Variants in GABRB3 observed in about 807,000 individuals in gnomAD.
GABRB3 encodes gamma-aminobutyric acid type A receptor subunit beta3.
GABRB3 carries 14 observed loss-of-function variants against 52.1 expected under a neutral mutation model. The ratio of observed to expected loss-of-function variants is 0.27; its 90% confidence interval spans 0.18 to 0.42. The LOEUF is 0.42. GABRB3 is among the 10% of genes least tolerant of loss of function. The pLI is 1.00. For synonymous variants in GABRB3, 260 were observed against 232.3 expected (o/e 1.12, Z -1.08); for missense variants, 307 against 609.1 (o/e 0.50, Z 5.22).
intron 3 of GABRB3, among the ~76,000 whole-genome samples, chr15:26,654,075 G>C (rs1887285806): frequency 6.6e-6 from 1 of 152,184 alleles, no homozygotes; most frequent in Non-Finnish European, 1.5e-5. Context: ...GCAATCTACA[G>C]AAGATGCACT....
chr15:26,629,138 G>C, intron 3 of GABRB3: 1 of 1,520,230 alleles, frequency 6.6e-7, no homozygotes, highest in Non-Finnish European at 8.8e-7. Context: ...CTGAAGCTCG[G>C]GGAGGCGCAG....
intron 3 of GABRB3, among the ~76,000 whole-genome samples, chr15:26,745,893 A>C (rs747283052): frequency 4.6e-5 from 7 of 152,342 alleles, no homozygotes; most frequent in Non-Finnish European, 8.8e-5. Context: ...TATTAAAAAT[A>C]AAGATGCTGT....
At chr15:26,633,393 C>T (rs970515126) in intron 3 of GABRB3, among the ~76,000 whole-genome samples, 20 of 152,188 alleles carry the variant, frequency 1.3e-4, no homozygotes, top group Non-Finnish European at 2.5e-4. Flanking sequence ...TCTCTCTTCC[C>T]TGTACCTTTA....
chr15:26,694,212 TG>T (rs1433653579), intron 3 of GABRB3, among the ~76,000 whole-genome samples: 1 of 152,154 alleles, frequency 6.6e-6, no homozygotes, highest in Non-Finnish European at 1.5e-5. Context: ...CTAACCAATA[TG>T]GGGGAAGGAA....
chr15:26,604,683 T>C (rs542773808), intron 4 of GABRB3, among the ~76,000 whole-genome samples: 5 of 152,108 alleles, frequency 3.3e-5, no homozygotes, highest in Non-Finnish European at 5.9e-5. Flanking sequence ...GTCTCTTCAA[T>C]GTATGGTCCT....
At chr15:26,564,841 C>T (rs966080689) in intron 7 of GABRB3, among the ~76,000 whole-genome samples, 1 of 152,170 alleles carries the variant, frequency 6.6e-6, no homozygotes, top group African/African-American at 2.4e-5. Flanking sequence ...AAATCCATGA[C>T]TTTTACAACA....
intron 3 of GABRB3, among the ~76,000 whole-genome samples, chr15:26,721,771 T>C (rs1001318387): frequency 6.6e-6 from 1 of 151,870 alleles, no homozygotes; most frequent in African/African-American, 2.4e-5. Context: ...ACAGGCATCA[T>C]AAATCTGATG....
intron 3 of GABRB3, among the ~76,000 whole-genome samples, chr15:26,702,250 C>T (rs754031984): frequency 1.3e-5 from 2 of 152,140 alleles, no homozygotes; most frequent in Non-Finnish European, 2.9e-5. Flanking sequence ...AAACTTTTGT[C>T]TTTTGAAACA....
chr15:26,623,110 A>G (rs1165830329), intron 3 of GABRB3, among the ~76,000 whole-genome samples: 1 of 152,228 alleles, frequency 6.6e-6, no homozygotes, highest in Non-Finnish European at 1.5e-5. Context: ...GACACTAAAG[A>G]TAACCCTCGG....
chr15:26,615,995 C>A (rs1892242307), intron 4 of GABRB3: 1 of 1,289,090 alleles, frequency 7.8e-7, no homozygotes, highest in Non-Finnish European at 1.0e-6. Context: ...AAACCTTCCA[C>A]CATGGGGAAT....
rs918401726 is a variant in GABRB3, at chr15:26,621,310, A to T, written c.461+4T>A. 3.1e-6 allele frequency: 5 copies of T among 1,612,710 alleles called. No individual in the cohort carries two copies. Among genetic ancestry groups the T allele is most frequent in the Admixed American group, 1.7e-5 (1 of 60,028 alleles). On this transcript the variant is annotated splice_donor_region_variant and intron_variant, in intron 4 of 8. Transcript: ENST00000311550. The surrounding 1 kb of genome is among the most constrained non-coding windows in gnomAD (Gnocchi z 4.1). Reference sequence around the variant, plus strand: ...CAAAATTGGTCCTGAAGAGGCACACAGACCTGAGCCCATACAGCACTGTCC... The same window carrying T: ...CAAAATTGGTCCTGAAGAGGCACACTGACCTGAGCCCATACAGCACTGTCC...
intron 3 of GABRB3, among the ~76,000 whole-genome samples, chr15:26,721,423 A>T (rs979836715): frequency 1.3e-5 from 2 of 151,824 alleles, no homozygotes; most frequent in African/African-American, 4.8e-5. Context: ...TCTGCATAAC[A>T]AGCCTTATTC....
At chr15:26,706,762 T>C (rs1298030143) in intron 3 of GABRB3, among the ~76,000 whole-genome samples, 3 of 152,226 alleles carry the variant, frequency 2.0e-5, no homozygotes, top group African/African-American at 7.2e-5. Flanking sequence ...TTTATCCATG[T>C]GTTCATGTAT....
chr15:26,664,536 T>C (rs1376279000), intron 3 of GABRB3, among the ~76,000 whole-genome samples: 2 of 151,976 alleles, frequency 1.3e-5, no homozygotes, highest in Non-Finnish European at 2.9e-5. Flanking sequence ...TTTTTGCATA[T>C]TAAAAGCAAT....
intron 3 of GABRB3, among the ~76,000 whole-genome samples, chr15:26,749,183 G>A (rs1423801732): frequency 6.6e-6 from 1 of 151,480 alleles, no homozygotes; most frequent in African/African-American, 2.4e-5. Flanking sequence ...CATCAGCACT[G>A]GTTTAACTGT....
chr15:26,741,085 C>T (rs1328722304), intron 3 of GABRB3, among the ~76,000 whole-genome samples: 1 of 129,978 alleles, frequency 7.7e-6, no homozygotes, highest in African/African-American at 3.1e-5. Flanking sequence ...TGTGTGTGTA[C>T]ACCAGTACTT....
intron 4 of GABRB3, among the ~76,000 whole-genome samples, chr15:26,603,752 A>G (rs2140504506): frequency 6.6e-6 from 1 of 152,162 alleles, no homozygotes; most frequent in Non-Finnish European, 1.5e-5. Context: ...CACTAAAAAA[A>G]CTAAGATAGA....
In GABRB3 at chr15:26,547,672, G is replaced by T. The variant is rs970838090; in HGVS notation, c.*121C>A. The T allele has an allele frequency of 1.4e-6, 1 of 724,036 alleles. No individual in the cohort carries two copies. The allele number at this position is 724,036 out of a possible 1,614,324, so 44.9% of individuals were successfully genotyped here. A position where few individuals can be genotyped will look rare whatever the true frequency, so the allele number is the denominator to read the frequency against. ...AAAGTTCACATATATATACAATTGC[G>T]TATGTATATATGTGTGTGTCTGCTT... On this transcript the variant is annotated 3_prime_UTR_variant, in exon 9 of 9. Transcript: ENST00000311550.
rs1889941930 is a variant in GABRB3, at chr15:26,732,255, T to C, written c.240+40147A>G. Among the ~76,000 whole-genome samples the C allele has an allele frequency of 2.7e-5, 4 of 148,730 alleles. No homozygotes were observed. In the South Asian group the frequency reaches 6.5e-4, roughly 24 times the overall value. On this transcript the variant is annotated intron_variant, in intron 3 of 8. Coordinates refer to ENST00000311550, the MANE Select transcript of GABRB3 (RefSeq NM_000814.6). The stretch of plus-strand genomic sequence containing the variant: ...GTGGACAGATGGATGGATGGATGAA[T>C]AGATGGATGGATGGATGGATGAATA...
Sources: allele counts gnomAD v4.1 joint callset (sites outside exome capture counted in the v4.1 genomes callset), GRCh38; gene constraint gnomAD v4.1.1; non-coding constraint Gnocchi (gnomAD v3.1); transcripts MANE v1.5; gene names NCBI Gene and HGNC (gene_info 2026-07-23, HGNC 2026-07-21).